Variants in HPCAL1 observed in about 807,000 individuals in gnomAD.
HPCAL1 encodes the protein hippocalcin like 1.
A neutral mutation model predicts 17.1 loss-of-function variants in HPCAL1; 8 were observed. The ratio of observed to expected loss-of-function variants is 0.47; its 90% confidence interval spans 0.27 to 0.84. HPCAL1 has a LOEUF of 0.84. Ranked by LOEUF, HPCAL1 falls within the 40% of genes least tolerant of loss-of-function variation. The pLI is 0.13. For synonymous variants in HPCAL1, 112 were observed against 111.4 expected, an observed-to-expected ratio of 1.01 and a Z score of -0.03; for missense variants, 165 against 271.1, an observed-to-expected ratio of 0.61 and a Z score of 2.75.
chr2:10,326,041 G>T (rs1271422828), intron 1 of HPCAL1, among the ~76,000 whole-genome samples: 1 of 152,246 alleles, frequency 6.6e-6, no homozygotes, highest in Non-Finnish European at 1.5e-5. Flanking sequence ...CCACGAGGCT[G>T]CAGAGGGCCA....
intron 1 of HPCAL1, among the ~76,000 whole-genome samples, chr2:10,380,705 A>C (rs1427275194): frequency 1.3e-5 from 2 of 151,768 alleles, no homozygotes; most frequent in African/African-American, 4.8e-5. Flanking sequence ...CTCTGTTTAG[A>C]TGTCACCTCC....
chr2:10,314,448 G>A (rs1663180141), intron 1 of HPCAL1, among the ~76,000 whole-genome samples: 1 of 152,160 alleles, frequency 6.6e-6, no homozygotes, highest in African/African-American at 2.4e-5. Context: ...TGGCGTAAGG[G>A]CGAGACAGAC....
At chr2:10,352,312 T>C (rs1038005869) in intron 1 of HPCAL1, among the ~76,000 whole-genome samples, 2 of 152,208 alleles carry the variant, frequency 1.3e-5, no homozygotes, top group Admixed American at 1.3e-4. Flanking sequence ...CTTGCTTTCC[T>C]TTCGCCTGTT....
Position 10,384,508 on chromosome 2 carries a change from G to A in HPCAL1, c.-110-12327G>A, listed in dbSNP as rs1174439756. Reference sequence around the variant, plus strand: ...GCACGGTGCTGTGCTGGGCACTGGGGCAAGGCCCCCTCCCCCATGGGGCTA... The same window carrying A: ...GCACGGTGCTGTGCTGGGCACTGGGACAAGGCCCCCTCCCCCATGGGGCTA... On this transcript the variant is annotated intron_variant, in intron 1 of 4. Transcript: ENST00000307845. The surrounding 1 kb of genome is among the most constrained non-coding windows in gnomAD (Gnocchi z 4.4). Among the ~76,000 whole-genome samples, 2 of 152,050 alleles carry A rather than the reference G, an allele frequency of 1.3e-5. No individual in the cohort carries two copies. The highest frequency in any genetic ancestry group is 4.8e-5 in the African/African-American group (2 of 41,422).
intron 1 of HPCAL1, among the ~76,000 whole-genome samples, chr2:10,307,707 T>C (rs1662711851): frequency 6.6e-6 from 1 of 152,232 alleles, no homozygotes; most frequent in African/African-American, 2.4e-5. Context: ...TCTTTGTCTG[T>C]CTTCACTTTG....
intron 1 of HPCAL1, among the ~76,000 whole-genome samples, chr2:10,389,771 T>G (rs956781422): frequency 1.3e-5 from 2 of 152,240 alleles, no homozygotes; most frequent in Non-Finnish European, 2.9e-5. Context: ...CTCCAGTTTC[T>G]CTGCCCGTGG....
At chr2:10,401,155 G>A (rs1165589396) in intron 2 of HPCAL1, among the ~76,000 whole-genome samples, 2 of 152,092 alleles carry the variant, frequency 1.3e-5, no homozygotes, top group Admixed American at 6.5e-5. Context: ...GGCCAGGTCC[G>A]AGCCAGCCAG....
chr2:10,345,082 A>G (rs1271865195), intron 1 of HPCAL1, among the ~76,000 whole-genome samples: 1 of 139,494 alleles, frequency 7.2e-6, no homozygotes, highest in Admixed American at 7.0e-5. Context: ...CCTGTCTTGC[A>G]GTCTCTTTCT....
chr2:10,306,087 ACCAGTGATAAT>A (rs1160184479), intron 1 of HPCAL1, among the ~76,000 whole-genome samples: 4 of 152,206 alleles, frequency 2.6e-5, no homozygotes, highest in African/African-American at 9.7e-5. Flanking sequence ...TCACTCATGA[ACCAGTGATAAT>A]CCAGGGTACT....
intron 1 of HPCAL1, among the ~76,000 whole-genome samples, chr2:10,321,700 A>G (rs1663680609): frequency 1.3e-5 from 2 of 152,180 alleles, no homozygotes; most frequent in African/African-American, 4.8e-5. Flanking sequence ...TGGACATTTT[A>G]TATCAAGGAA....
chr2:10,365,906 T>C lies in HPCAL1; in HGVS notation c.-110-30929T>C, dbSNP rs1324564958. 1.3e-5 allele frequency among the ~76,000 whole-genome samples: 2 copies of C among 152,120 alleles called. No homozygotes were observed. The highest frequency in any genetic ancestry group is 2.9e-5 in the Non-Finnish European group (2 of 68,014). On this transcript the variant is annotated intron_variant, in intron 1 of 4. Transcript: ENST00000307845. This position sits in a 1 kb window ranked among gnomAD's most constrained non-coding sequence, Gnocchi z 4.8. ...CACACCGCATGTCCTCGGCCTCCCA[T>C]TGAGATCAGCTATACGTGATATAGA...
intron 1 of HPCAL1, among the ~76,000 whole-genome samples, chr2:10,348,513 C>T (rs887391577): frequency 3.3e-5 from 5 of 151,814 alleles, no homozygotes; most frequent in African/African-American, 7.3e-5. Flanking sequence ...CCTGTAATCC[C>T]AGTGCTTTGG....
chr2:10,422,917 C>A, intron 3 of HPCAL1, 66 bp from the exon 4 acceptor site: 1 of 1,179,660 alleles, frequency 8.5e-7, no homozygotes, highest in Non-Finnish European at 1.3e-6. Context: ...GGGCGGAAGC[C>A]CACCCTTGCT....
At chr2:10,426,056 C>T (rs943655755) in intron 4 of HPCAL1, 1 of 152,428 alleles carries the variant, frequency 6.6e-6, no homozygotes, top group Non-Finnish European at 1.5e-5. Context: ...CTCAGCCGAT[C>T]AGCCTTACGG....
At chr2:10,374,180 G>A (rs1393736002) in intron 1 of HPCAL1, among the ~76,000 whole-genome samples, 1 of 152,052 alleles carries the variant, frequency 6.6e-6, no homozygotes, top group African/African-American at 2.4e-5. Context: ...CGAATCCCCA[G>A]TCTCAGCTGA....
rs1177638888 is a variant in HPCAL1 at position 10,377,567 on chromosome 2, TG to T, written c.-110-19267del. Among the ~76,000 whole-genome samples, 6 of 151,756 alleles carry T rather than the reference TG, an allele frequency of 4.0e-5. No homozygotes were observed. In the East Asian group the frequency reaches 1.2e-3, roughly 30 times the overall value. On this transcript the variant is annotated intron_variant, in intron 1 of 4. Coordinates refer to ENST00000307845, the MANE Select transcript of HPCAL1 (RefSeq NM_002149.4). The surrounding 1 kb of genome is among the most constrained non-coding windows in gnomAD (Gnocchi z 5.9). The stretch of plus-strand genomic sequence containing the variant: ...TTCCACCCTCTGTCGGCAGGGCCCC[TG>T]CCACCTCTGAAGCCCCCTGCCAGCT...
At chr2:10,309,808 A>G (rs1445195698) in intron 1 of HPCAL1, among the ~76,000 whole-genome samples, 1 of 152,218 alleles carries the variant, frequency 6.6e-6, no homozygotes, top group African/African-American at 2.4e-5. Flanking sequence ...ATGAGATGCC[A>G]TTTGACAGAT....
intron 1 of HPCAL1, among the ~76,000 whole-genome samples, chr2:10,345,059 GTCTC>G (rs887479489): frequency 1.3e-5 from 2 of 150,334 alleles, no homozygotes; most frequent in African/African-American, 4.9e-5. Context: ...CTCTCTTTCT[GTCTC>G]TCTCTGTGCC....
chr2:10,369,755 T>G (rs2125507707), intron 1 of HPCAL1, among the ~76,000 whole-genome samples: 1 of 152,224 alleles, frequency 6.6e-6, no homozygotes, highest in South Asian at 2.1e-4. Flanking sequence ...TCCTTATTAA[T>G]CAAATAATAA....
Sources: gnomAD v4.1 joint callset for allele counts (sites outside exome capture counted in the v4.1 genomes callset) on GRCh38, gnomAD v4.1.1 for gene constraint, Gnocchi (gnomAD v3.1) non-coding constraint, MANE v1.5 for transcripts, NCBI Gene and HGNC (gene_info 2026-07-23, HGNC 2026-07-21) for gene names.